The following FRMPD4 variants were observed in gnomAD, a reference collection of about 807,000 sequenced individuals.
FRMPD4 encodes the protein FERM and PDZ domain containing 4, also known as FERM and PDZ domain-containing protein 4.
Under a neutral mutation model 94.1 loss-of-function variants are expected in FRMPD4, and 22 were observed. The ratio of observed to expected loss-of-function variants is 0.23; its 90% CI spans 0.17 to 0.33. The LOEUF (loss-of-function observed/expected upper bound fraction) is 0.33, where lower values mean the gene tolerates loss of function less well. Ranked by LOEUF, FRMPD4 falls within the 10% of genes least tolerant of loss-of-function variation. The probability of loss-of-function intolerance (pLI) is 1.00; values close to 1 mark genes in which losing one functional copy is unlikely to be tolerated. For synonymous variants in FRMPD4, 631 were observed against 548.6 expected (o/e 1.15, Z -2.10); for missense variants, 1,111 against 1,339.9 (o/e 0.83, Z 2.67).
chrX:12,185,417 G>C (rs776628791), intron 1 of FRMPD4, among the ~76,000 whole-genome samples: 1 of 111,408 alleles, frequency 9.0e-6, no homozygotes, highest in African/African-American at 3.3e-5. Context: ...GGGTGTTATA[G>C]CATGGGTACA....
At chrX:12,596,745 G>T (rs1306898193) in intron 2 of FRMPD4, among the ~76,000 whole-genome samples, 1 of 111,004 alleles carries the variant, frequency 9.0e-6, no homozygotes, top group African/African-American at 3.3e-5. Flanking sequence ...ACAAACTTTA[G>T]CTTACTGCTA....
chrX:12,114,992 A>T (rs966394730), intron 3 of FRMPD4, among the ~76,000 whole-genome samples: 1 of 112,037 alleles, frequency 8.9e-6, no homozygotes, highest in Admixed American at 9.5e-5. Context: ...ATTTGTTTAT[A>T]CTATCAGCAA....
At chrX:12,238,744 C>T (rs1255576823) in intron 1 of FRMPD4, among the ~76,000 whole-genome samples, 1 of 111,851 alleles carries the variant, frequency 8.9e-6, no homozygotes, top group African/African-American at 3.2e-5. Context: ...AAAACCGTGC[C>T]TTCTCTCAGA....
intron 2 of FRMPD4, among the ~76,000 whole-genome samples, chrX:12,582,980 G>A (rs2058883981): frequency 8.9e-6 from 1 of 111,893 alleles, no homozygotes; most frequent in Middle Eastern, 4.6e-3. Context: ...CTTGCAACTC[G>A]CCTGCCTTCC....
At chrX:12,119,871 T>C (rs1294299535) in intron 3 of FRMPD4, among the ~76,000 whole-genome samples, 1 of 112,783 alleles carries the variant, frequency 8.9e-6, no homozygotes, top group African/African-American at 3.2e-5. Flanking sequence ...TGTGATACTA[T>C]AGTCACAGGA....
chrX:12,381,912 A>G (rs2056323296), intron 1 of FRMPD4, among the ~76,000 whole-genome samples: 1 of 111,750 alleles, frequency 8.9e-6, no homozygotes, highest in African/African-American at 3.3e-5. Context: ...GGAAGGCAAC[A>G]TAGAAACAGA....
At chrX:12,639,591 G>T (rs7880224) in intron 4 of FRMPD4, among the ~76,000 whole-genome samples, 10 of 112,147 alleles carry the variant, frequency 8.9e-5, no homozygotes, top group African/African-American at 3.2e-4. Flanking sequence ...GGACATCAAA[G>T]AAAGCCTAAT....
rs185566288 is a variant in FRMPD4 at position 11,963,098 on chromosome X, C to T, written c.95+85080C>T. ...CTTTCAATATGTATACTAGGGTGGG[C>T]AAGTGAAATAACACAAAGGAAAGAA... On this transcript the variant is annotated intron_variant, in intron 3 of 18. Transcript: ENST00000640291. Among the ~76,000 whole-genome samples, 132 of 82,141 alleles carry T rather than the reference C, an allele frequency of 1.6e-3. No homozygotes were observed. In the East Asian group the frequency reaches 0.047, roughly 29 times the overall value. 71.3% of individuals were successfully genotyped at this position (82,141 alleles called of 115,157 possible).
intron 3 of FRMPD4, among the ~76,000 whole-genome samples, chrX:12,023,209 A>T (rs960001313): frequency 1.8e-5 from 2 of 110,758 alleles, no homozygotes; most frequent in Non-Finnish European, 3.8e-5. Context: ...CACTCACCAG[A>T]CTCCCATCTG....
At chrX:12,281,130 C>T (rs1231703152) in intron 1 of FRMPD4, among the ~76,000 whole-genome samples, 1 of 112,094 alleles carries the variant, frequency 8.9e-6, no homozygotes, top group African/African-American at 3.2e-5. Flanking sequence ...TACTTTCAGT[C>T]GTGAGTGTTC....
At chrX:12,211,235 A>AGC (rs201318578) in intron 1 of FRMPD4, among the ~76,000 whole-genome samples, 8,826 of 111,665 alleles carry the variant, frequency 0.079, 856 homozygotes, top group African/African-American at 0.27. Flanking sequence ...CTCCATGTGG[A>AGC]GCTCTGGCAA....
intron 1 of FRMPD4, among the ~76,000 whole-genome samples, chrX:12,230,740 A>C (rs1339976553): frequency 4.8e-5 from 5 of 104,687 alleles, no homozygotes; most frequent in Non-Finnish European, 7.8e-5. Flanking sequence ...TATTTAAATG[A>C]AATTTCTAGT....
intron 1 of FRMPD4, among the ~76,000 whole-genome samples, chrX:12,429,607 CCTGTTTCTT>C (rs2056989298): frequency 8.9e-6 from 1 of 111,750 alleles, no homozygotes; most frequent in African/African-American, 3.3e-5. Flanking sequence ...TGGAGATTGT[CCTGTTTCTT>C]ATTATTGTTT....
intron 1 of FRMPD4, among the ~76,000 whole-genome samples, chrX:12,158,327 A>G (rs772376978): frequency 1.8e-5 from 2 of 112,197 alleles, no homozygotes; most frequent in South Asian, 7.5e-4. Context: ...TTGACACTGT[A>G]GACACATTGG....
At position 12,551,895 on chromosome X, in the gene FRMPD4, T is replaced by C. The variant is rs2164943; in HGVS notation, c.158+53099T>C. 2.7e-4 allele frequency among the ~76,000 whole-genome samples: 30 copies of C among 111,529 alleles called. No individual in the cohort carries two copies. In the East Asian group the frequency reaches 4.8e-3, roughly 18 times the overall value. ...AAATAGTGATATGCTAATTCTATCA[T>C]TCCATTTTCACTTAGTAACTGAAAA... is the stretch of plus-strand genomic sequence containing the variant. On this transcript the variant is annotated intron_variant, in intron 2 of 16. Transcript: ENST00000675598.
intron 3 of FRMPD4, among the ~76,000 whole-genome samples, chrX:11,952,336 A>G (rs17281180): frequency 0.081 from 9,083 of 111,921 alleles, 310 homozygotes; most frequent in East Asian, 0.18. Context: ...TGAAGCCGCA[A>G]AATCAACATT....
In FRMPD4 at chrX:12,632,616, T is replaced by C. The variant is rs2059406031; in HGVS notation, c.422+17735T>C. The stretch of plus-strand genomic sequence containing the variant: ...CCAAAATGGCAGCTCATTTATGCTA[T>C]TGTTGAGAAGAGAGGAGGTGGTAAT... On this transcript the variant is annotated intron_variant, in intron 4 of 16. Coordinates refer to ENST00000675598, the MANE Select transcript of FRMPD4 (RefSeq NM_001368397.1). Among the ~76,000 whole-genome samples, 4 of 111,724 alleles carry C rather than the reference T, an allele frequency of 3.6e-5. No individual in the cohort carries two copies. The Admixed American group carries it at 3.8e-4, about 11-fold the overall frequency.
intron 3 of FRMPD4, among the ~76,000 whole-genome samples, chrX:12,108,667 T>A (rs1389628057): frequency 7.2e-5 from 8 of 111,617 alleles, no homozygotes; most frequent in Non-Finnish European, 1.9e-5. Flanking sequence ...GTGTGCTGTA[T>A]TCAGGAGACC....
rs3066486 is a variant in FRMPD4, at chrX:12,553,434, C to CTATATATATATATATATATATATATA, written c.158+54646_158+54671dup. ...AGTTTTGTGAGATCTATCCATATGCCTATATATATATATATATATATATAT... is the reference window on the plus strand; with the variant it reads ...AGTTTTGTGAGATCTATCCATATGCCTATATATATATATATATATATATATATATATATATATATATATATATATAT... On this transcript the variant is annotated intron_variant, in intron 2 of 16. Coordinates refer to ENST00000675598, the MANE Select transcript of FRMPD4 (RefSeq NM_001368397.1). 2.0e-4 allele frequency among the ~76,000 whole-genome samples: 8 copies of CTATATATATATATATATATATATATA among 39,657 alleles called. 1 individual carries two copies. Among genetic ancestry groups the CTATATATATATATATATATATATATA allele is most frequent in the African/African-American group, 7.3e-4 (7 of 9,627 alleles). 34.4% of individuals were successfully genotyped at this position (39,657 alleles called of 115,157 possible).
Sources: gnomAD v4.1 joint callset for allele counts (sites outside exome capture counted in the v4.1 genomes callset) on GRCh38, gnomAD v4.1.1 for gene constraint, MANE v1.5 for transcripts, NCBI Gene and HGNC (gene_info 2026-07-23, HGNC 2026-07-21) for gene names.